SNX29: variants seen among roughly 807,000 people sequenced by gnomAD.
The protein encoded by SNX29 is sorting nexin 29.
In SNX29, 78 loss-of-function variants were observed where a neutral mutation model predicts 102.1. That is an observed-to-expected ratio of 0.76 (90% CI 0.64 to 0.92). SNX29 has a LOEUF of 0.92. Among genes scored for constraint, SNX29 ranks in the 40% least tolerant of loss-of-function variants. SNX29 has a pLI of 0.00. For synonymous variants in SNX29, 580 were observed against 414.5 expected (o/e 1.40, Z -4.85); for missense variants, 1,280 against 1,061.7 (o/e 1.21, Z -2.86).
intron 15 of SNX29, among the ~76,000 whole-genome samples, chr16:12,306,133 C>T (rs973593967): frequency 4.0e-5 from 6 of 151,080 alleles, no homozygotes; most frequent in African/African-American, 1.5e-4. Context: ...CCTCCATTTC[C>T]CTCTTCTTAA....
At chr16:11,981,893 A>G (rs771067576) in intron 1 of SNX29, among the ~76,000 whole-genome samples, 1 of 152,152 alleles carries the variant, frequency 6.6e-6, no homozygotes, top group African/African-American at 2.4e-5. Flanking sequence ...CTGCATCTCA[A>G]CGTTAATGTT....
chr16:12,527,804 GT>G (rs1379734631), intron 20 of SNX29, among the ~76,000 whole-genome samples: 1 of 149,558 alleles, frequency 6.7e-6, no homozygotes, highest in East Asian at 2.0e-4. Context: ...GTTTTGTTTT[GT>G]TATTTATTTT....
At chr16:12,148,816 A>G (rs1035105415) in intron 13 of SNX29, among the ~76,000 whole-genome samples, 23 of 151,812 alleles carry the variant, frequency 1.5e-4, no homozygotes, top group African/African-American at 5.3e-4. Context: ...TGCTGCCTCA[A>G]CCTCCTGAGT....
At chr16:12,294,406 G>A (rs529635172) in intron 15 of SNX29, among the ~76,000 whole-genome samples, 9 of 152,134 alleles carry the variant, frequency 5.9e-5, no homozygotes, top group Admixed American at 3.3e-4. Flanking sequence ...ATCTTCTCTC[G>A]TTCCTCCCTC....
At chr16:12,336,384 G>A (rs189095660) in intron 15 of SNX29, among the ~76,000 whole-genome samples, 260 of 152,346 alleles carry the variant, frequency 1.7e-3, no homozygotes, top group Non-Finnish European at 3.1e-3. Flanking sequence ...ACATGAAACT[G>A]TGTCCCTGCT....
At chr16:12,338,986 C>G (rs958331620) in intron 15 of SNX29, among the ~76,000 whole-genome samples, 6 of 134,218 alleles carry the variant, frequency 4.5e-5, no homozygotes, top group African/African-American at 1.2e-4. Flanking sequence ...AAACTTGTTC[C>G]ACCTGTGGCC....
intron 13 of SNX29, among the ~76,000 whole-genome samples, chr16:12,176,507 A>G (rs13335032): frequency 0.013 from 1,955 of 152,358 alleles, 49 homozygotes; most frequent in African/African-American, 0.045. Flanking sequence ...CAAAATATCA[A>G]TACAATAATA....
At chr16:12,549,995 CTTA>C (rs968270333) in intron 20 of SNX29, among the ~76,000 whole-genome samples, 3 of 152,148 alleles carry the variant, frequency 2.0e-5, no homozygotes, top group Admixed American at 6.5e-5. Flanking sequence ...TGTATAGCTT[CTTA>C]TTATAAGGGC....
At chr16:12,565,456 C>T (rs1415545563) in intron 20 of SNX29, among the ~76,000 whole-genome samples, 5 of 152,164 alleles carry the variant, frequency 3.3e-5, no homozygotes, top group Admixed American at 2.0e-4. Context: ...CCTCCTCATC[C>T]TGGGTTCTCT....
At chr16:12,130,477 A>G (rs2054416027) in intron 13 of SNX29, among the ~76,000 whole-genome samples, 1 of 147,782 alleles carries the variant, frequency 6.8e-6, no homozygotes, top group Non-Finnish European at 1.5e-5. Flanking sequence ...TCCGTCTCAA[A>G]AAAAAAAAAA....
At position 11,995,512 on chromosome 16, in the gene SNX29, C is replaced by A. The variant is rs140009587; in HGVS notation, c.8-3785C>A. On this transcript the variant is annotated intron_variant, in intron 1 of 20. Transcript: ENST00000566228. ...CTCTGGGTTGAGACCTGCACAATCTCGGGTAGTTTTTGTATAAAGAACAGG... is the reference window on the plus strand; with the variant it reads ...CTCTGGGTTGAGACCTGCACAATCTAGGGTAGTTTTTGTATAAAGAACAGG... 4.6e-5 allele frequency among the ~76,000 whole-genome samples: 7 copies of A among 152,092 alleles called. No individual in the cohort carries two copies. In the East Asian group the frequency reaches 1.4e-3, roughly 29 times the overall value.
At chr16:12,428,534 C>T (rs958442486) in intron 18 of SNX29, among the ~76,000 whole-genome samples, 1 of 152,212 alleles carries the variant, frequency 6.6e-6, no homozygotes, top group Admixed American at 6.5e-5. Flanking sequence ...ATATCTCCTT[C>T]TAGTTAATCC....
intron 9 of SNX29, among the ~76,000 whole-genome samples, chr16:12,064,986 C>A (rs542311841): frequency 6.6e-6 from 1 of 152,322 alleles, no homozygotes; most frequent in East Asian, 1.9e-4. Context: ...CCTTTGCAGT[C>A]ACTGACAGTG....
Position 12,262,080 on chromosome 16 carries a change from G to C in SNX29, c.1679-15853G>C, listed in dbSNP as rs539729069. On this transcript the variant is annotated intron_variant, in intron 14 of 20. Coordinates refer to ENST00000566228, the MANE Select transcript of SNX29 (RefSeq NM_032167.5). Reference sequence around the variant, plus strand: ...GTGTTTGCTGAGCTCGGGTCTGTGCGCGCGTCCCCGGCTGAAGTAAGTGTT... The same window carrying C: ...GTGTTTGCTGAGCTCGGGTCTGTGCCCGCGTCCCCGGCTGAAGTAAGTGTT... Among the ~76,000 whole-genome samples, 13 of 146,938 alleles carry C rather than the reference G, an allele frequency of 8.8e-5. No homozygotes were observed. In the East Asian group the frequency reaches 2.7e-3, roughly 31 times the overall value.
intron 20 of SNX29, among the ~76,000 whole-genome samples, chr16:12,543,416 GGA>G (rs1206724178): frequency 2.6e-5 from 4 of 152,324 alleles, no homozygotes; most frequent in Middle Eastern, 3.4e-3. Flanking sequence ...TTCACTGAAA[GGA>G]GAGAAAGTGG....
intron 13 of SNX29, among the ~76,000 whole-genome samples, chr16:12,147,836 C>T (rs931144306): frequency 1.3e-5 from 2 of 152,194 alleles, no homozygotes; most frequent in South Asian, 2.1e-4. Flanking sequence ...GATGTGAATG[C>T]CCTGCAGGCG....
chr16:12,528,072 A>C (rs1264918076), intron 20 of SNX29, among the ~76,000 whole-genome samples: 2 of 151,000 alleles, frequency 1.3e-5, no homozygotes, highest in African/African-American at 2.4e-5. Context: ...TTATTCCCCC[A>C]CCTTGGCCTC....
chr16:12,144,388 G>T (rs2054975068), intron 13 of SNX29, among the ~76,000 whole-genome samples: 1 of 152,144 alleles, frequency 6.6e-6, no homozygotes, highest in Non-Finnish European at 1.5e-5. Context: ...TGGTTAGAAG[G>T]TTGTCCCTCT....
At chr16:12,322,665 C>G (rs11865486) in intron 15 of SNX29, among the ~76,000 whole-genome samples, 9,295 of 152,160 alleles carry the variant, frequency 0.061, 961 homozygotes, top group African/African-American at 0.21. Context: ...GATGCAGTCA[C>G]TGGGGACTAC....
Sources: allele counts gnomAD v4.1 joint callset (sites outside exome capture counted in the v4.1 genomes callset), GRCh38; gene constraint gnomAD v4.1.1; transcripts MANE v1.5; gene names NCBI Gene and HGNC (gene_info 2026-07-23, HGNC 2026-07-21).